Variants in BTBD16 observed in about 807,000 individuals in gnomAD.
BTBD16 encodes the protein BTB domain containing 16, also known as BTB/POZ domain-containing protein 16.
Under a neutral mutation model 67.4 loss-of-function variants are expected in BTBD16, and 66 were observed. The ratio of observed to expected loss-of-function variants is 0.98; its 90% confidence interval spans 0.80 to 1.20. BTBD16 has a LOEUF of 1.20. Among genes scored for constraint, BTBD16 ranks in the 50% most tolerant of loss-of-function variants. The pLI is 0.00. For synonymous variants in BTBD16, 242 were observed against 236.4 expected (o/e 1.02, Z -0.22); for missense variants, 634 against 616.0 (o/e 1.03, Z -0.31).
chr10:122,282,801 A>G (rs557048069), intron 3 of BTBD16, among the ~76,000 whole-genome samples: 1 of 152,354 alleles, frequency 6.6e-6, no homozygotes, highest in African/African-American at 2.4e-5. Context: ...ACACTCCAGA[A>G]GGAGTTTTAA....
intron 3 of BTBD16, among the ~76,000 whole-genome samples, chr10:122,280,709 T>C (rs1269012294): frequency 1.3e-5 from 2 of 152,128 alleles, no homozygotes; most frequent in Admixed American, 1.3e-4. Context: ...GAAGACTCTC[T>C]AAAAGAGGCT....
chr10:122,298,083 G>A (rs1441188024), intron 8 of BTBD16, among the ~76,000 whole-genome samples: 4 of 152,148 alleles, frequency 2.6e-5, no homozygotes, highest in Non-Finnish European at 5.9e-5. Context: ...GGAAGAAGCA[G>A]CATAGCCTTT....
At chr10:122,332,346 G>GA in intron 12 of BTBD16, 90 bp from the exon 13 acceptor site, 1 of 1,207,854 alleles carries the variant, frequency 8.3e-7, no homozygotes, top group Non-Finnish European at 1.2e-6. Context: ...GGTGAGGGGG[G>GA]CAGGGGTCAA....
chr10:122,278,748 G>A (rs2096346214), intron 3 of BTBD16, among the ~76,000 whole-genome samples: 1 of 152,154 alleles, frequency 6.6e-6, no homozygotes. Context: ...TGTGATATTG[G>A]GAAGCTGCAT....
chr10:122,335,241 A>G (rs1317397021), intron 14 of BTBD16, among the ~76,000 whole-genome samples: 1 of 152,236 alleles, frequency 6.6e-6, no homozygotes, highest in Non-Finnish European at 1.5e-5. Context: ...TGGTAAAGTC[A>G]GGATTAGATT....
chr10:122,325,012 T>C (rs1475022566), intron 10 of BTBD16, among the ~76,000 whole-genome samples: 3 of 152,180 alleles, frequency 2.0e-5, no homozygotes, highest in East Asian at 1.9e-4. Flanking sequence ...AGAAGGACAT[T>C]GAACTTGGTC....
intron 3 of BTBD16, among the ~76,000 whole-genome samples, chr10:122,277,503 C>T (rs1322690466): frequency 6.6e-6 from 1 of 152,154 alleles, no homozygotes; most frequent in African/African-American, 2.4e-5. Flanking sequence ...GTTTATTTGG[C>T]TCAAGGTTCT....
chr10:122,301,368 G>T (rs1489092591), intron 9 of BTBD16, among the ~76,000 whole-genome samples: 1 of 152,156 alleles, frequency 6.6e-6, no homozygotes, highest in Non-Finnish European at 1.5e-5. Context: ...CAAGTGTCTA[G>T]ACTCATCAGC....
chr10:122,290,064 T>G, intron 6 of BTBD16, 66 bp downstream of exon 6: 1 of 1,149,358 alleles, frequency 8.7e-7, no homozygotes, highest in Non-Finnish European at 1.3e-6. Context: ...GATTTAAAAA[T>G]GCACAAGCAA....
intron 7 of BTBD16, among the ~76,000 whole-genome samples, chr10:122,294,899 C>A (rs2096380328): frequency 6.6e-6 from 1 of 152,256 alleles, no homozygotes; most frequent in Non-Finnish European, 1.5e-5. Flanking sequence ...CCAGCTAGTG[C>A]TCCCTGTAGG....
intron 13 of BTBD16, 92 bp downstream of exon 13, chr10:122,332,605 C>T: frequency 3.0e-6 from 4 of 1,348,040 alleles, no homozygotes; most frequent in Middle Eastern, 1.9e-4. Context: ...ACTTCTGGCT[C>T]CTGGTAGGAA....
chr10:122,289,740 C>T (rs550634804), intron 5 of BTBD16, among the ~76,000 whole-genome samples, 169 bp from the exon 6 acceptor site: 1 of 152,214 alleles, frequency 6.6e-6, no homozygotes, highest in East Asian at 1.9e-4. Flanking sequence ...CTCCATCTCA[C>T]ACACAAAAAT....
At chr10:122,310,646 C>G (rs1441416916) in intron 10 of BTBD16, among the ~76,000 whole-genome samples, 1 of 152,144 alleles carries the variant, frequency 6.6e-6, no homozygotes, top group Admixed American at 6.5e-5. Flanking sequence ...CCAGGGGAGA[C>G]AGTAAACAGG....
intron 10 of BTBD16, among the ~76,000 whole-genome samples, chr10:122,323,687 G>A (rs1172172026): frequency 6.6e-6 from 1 of 152,178 alleles, no homozygotes. Flanking sequence ...GTTCATGTCA[G>A]TTTGTAAATT....
At chr10:122,305,468 G>A (rs1230793470) in intron 9 of BTBD16, among the ~76,000 whole-genome samples, 1 of 152,096 alleles carries the variant, frequency 6.6e-6, no homozygotes, top group Admixed American at 6.5e-5. Context: ...TTCAAAGGGT[G>A]TGGCACCTCC....
chr10:122,276,789 A>C lies in BTBD16; in HGVS notation c.19-2A>C. On this transcript the variant is annotated splice_acceptor_variant, in intron 2 of 15. Coordinates refer to ENST00000260723, the MANE Select transcript of BTBD16 (RefSeq NM_144587.5). LOFTEE classifies it high-confidence loss of function. ...TCTTCTCTTTCTTTGATTACCAAGC[A>C]GCACAAAGCTCGGCTGGAACGCCGG... 1 of 1,612,100 alleles carries C rather than the reference A, an allele frequency of 6.2e-7. No homozygotes were observed.
Position 122,336,577 on chromosome 10 carries a change from GTA to G in BTBD16, c.1349_1350del (p.Tyr450Ter). 1 of 1,613,390 alleles carries G rather than the reference GTA, an allele frequency of 6.2e-7. No homozygotes were observed. The highest frequency in any genetic ancestry group is 1.1e-5 in the South Asian group (1 of 90,880). ...VSLRAARLVK[Y>X]EIRAEALVDG... ...GCCTGCGAGCGGCACGCCTGGTGAA[GTA>G]TGAGATCAGAGCAGAGGCCCTGGTT... On this transcript the variant is annotated frameshift_variant, in exon 15 of 16. Transcript: ENST00000260723. LOFTEE classifies it high-confidence loss of function.
At chr10:122,309,645 A>G (rs2096410160) in intron 10 of BTBD16, among the ~76,000 whole-genome samples, 1 of 151,200 alleles carries the variant, frequency 6.6e-6, no homozygotes, top group South Asian at 2.1e-4. Context: ...GCCCAGCCTA[A>G]AATTATTATT....
intron 14 of BTBD16, among the ~76,000 whole-genome samples, chr10:122,335,876 C>G (rs955937894): frequency 2.0e-5 from 3 of 151,858 alleles, no homozygotes; most frequent in African/African-American, 7.3e-5. Context: ...TTTTATTTTT[C>G]TATATTTTTT....
Sources: gnomAD v4.1 joint callset for allele counts (sites outside exome capture counted in the v4.1 genomes callset) on GRCh38, gnomAD v4.1.1 for gene constraint, MANE v1.5 for transcripts, NCBI Gene and HGNC (gene_info 2026-07-23, HGNC 2026-07-21) for gene names.